The following CEP83 variants were observed in gnomAD, a reference collection of about 807,000 sequenced individuals.
The protein encoded by CEP83 is centrosomal protein of 83 kDa.
In CEP83, 70 loss-of-function variants were observed where a neutral mutation model predicts 101.9. The ratio of observed to expected loss-of-function variants is 0.69; its 90% confidence interval spans 0.57 to 0.84. CEP83 has a LOEUF of 0.84. Ranked by LOEUF, CEP83 falls within the 40% of genes least tolerant of loss-of-function variation. The pLI is 0.00. For missense variants in CEP83, 715 were observed against 787.2 expected (o/e 0.91, Z 1.10); for synonymous variants, 264 against 267.9 (o/e 0.99, Z 0.14).
chr12:94,396,033 T>C (rs1002340533), intron 6 of CEP83, among the ~76,000 whole-genome samples: 1 of 152,098 alleles, frequency 6.6e-6, no homozygotes, highest in Admixed American at 6.5e-5. Context: ...CGTCCCTCCC[T>C]CTCTCCTGAG....
intron 11 of CEP83, among the ~76,000 whole-genome samples, chr12:94,353,982 G>T (rs1181719310): frequency 1.3e-5 from 2 of 151,926 alleles, no homozygotes; most frequent in Non-Finnish European, 2.9e-5. Context: ...AGAGAACCAA[G>T]ATATATTAAA....
At chr12:94,446,956 T>C (rs1566235956) in intron 1 of CEP83, among the ~76,000 whole-genome samples, 9 of 151,924 alleles carry the variant, frequency 5.9e-5, no homozygotes, top group Admixed American at 5.2e-4. Context: ...GAGAGAAAAA[T>C]GACTTCACAT....
In CEP83 at chr12:94,364,846, T is replaced by C. The variant is rs1277282826; in HGVS notation, c.1343+2948A>G. Among the ~76,000 whole-genome samples, 3 of 152,114 alleles carry C rather than the reference T, an allele frequency of 2.0e-5. No individual in the cohort carries two copies. In the East Asian group the frequency reaches 5.8e-4, roughly 29 times the overall value. Reference sequence around the variant, plus strand: ...ATTTAGAAAAAACTGATCAAATCCATACCTCACAGCATACAAAAGAATACA... The same window carrying C: ...ATTTAGAAAAAACTGATCAAATCCACACCTCACAGCATACAAAAGAATACA... On this transcript the variant is annotated intron_variant, in intron 11 of 16. Coordinates refer to ENST00000397809, the MANE Select transcript of CEP83 (RefSeq NM_016122.3).
At chr12:94,343,715 G>A (rs1039944733) in intron 11 of CEP83, among the ~76,000 whole-genome samples, 5 of 149,752 alleles carry the variant, frequency 3.3e-5, no homozygotes, top group African/African-American at 7.4e-5. Flanking sequence ...GGATGGTCTC[G>A]ATCTCCTGAC....
At position 94,308,821 on chromosome 12, in the gene CEP83, C is replaced by A. The variant is rs753799181; in HGVS notation, c.2098G>T (p.Gly700Ter). ...RKQLEELGSSGE is the reference protein window; with the variant it reads ...RKQLEELGSS ...CCTGTTCTCCAAGAACATCATTCTC[C>A]GGAAGATCCAAGTTCCTCTAGTTGT... is the stretch of plus-strand genomic sequence containing the variant. Residue 700 changes from glycine (G) to a stop codon, truncating the protein, a stop_gained, in exon 17 of 17, where the codon GGA becomes TGA. Transcript: ENST00000397809. LOFTEE classifies it high-confidence loss of function. 8 of 1,606,690 alleles carry A rather than the reference C, an allele frequency of 5.0e-6. No individual in the cohort carries two copies.
intron 11 of CEP83, among the ~76,000 whole-genome samples, chr12:94,349,772 C>A (rs1046916280): frequency 6.6e-6 from 1 of 152,084 alleles, no homozygotes; most frequent in Non-Finnish European, 1.5e-5. Context: ...CTAGCCAGAG[C>A]TATTAGGCAA....
Position 94,379,059 on chromosome 12 carries a change from A to G in CEP83, c.550-17T>C. 1 of 1,572,116 alleles carries G rather than the reference A, an allele frequency of 6.4e-7. No homozygotes were observed. On this transcript the variant is annotated splice_polypyrimidine_tract_variant and intron_variant, in intron 6 of 16. Transcript: ENST00000397809. ...TCTTGCAATCTAATAATAATTTTAA[A>G]GAAAGCATACAAGGTTAAATTATTA...
intron 14 of CEP83, among the ~76,000 whole-genome samples, chr12:94,328,892 T>C (rs1239663157): frequency 6.6e-6 from 1 of 152,232 alleles, no homozygotes; most frequent in African/African-American, 2.4e-5. Flanking sequence ...CCTCCTACTT[T>C]AGGTTGCTAA....
At chr12:94,294,205 C>T in the CEP83 span, among the ~76,000 whole-genome samples, 120 of 152,296 alleles carry the variant, frequency 7.9e-4, 1 homozygote, top group East Asian at 0.022. Context: ...CCATCTGTCC[C>T]ACAGGGTCCT....
intron 1 of CEP83, among the ~76,000 whole-genome samples, chr12:94,435,723 T>C (rs930261189): frequency 5.3e-5 from 8 of 152,148 alleles, no homozygotes; most frequent in African/African-American, 1.7e-4. Context: ...AACAACTCTG[T>C]TCCAACGGAG....
At chr12:94,442,287 G>A (rs932438563) in intron 1 of CEP83, among the ~76,000 whole-genome samples, 5 of 151,494 alleles carry the variant, frequency 3.3e-5, no homozygotes, top group East Asian at 1.9e-4. Context: ...ACCAAACACC[G>A]TATCTTCTCA....
chr12:94,394,217 T>A (rs1003060634), intron 6 of CEP83, among the ~76,000 whole-genome samples: 4 of 152,116 alleles, frequency 2.6e-5, no homozygotes, highest in African/African-American at 4.8e-5. Context: ...ACCTGACTTC[T>A]AACTATACTA....
At chr12:94,292,241 A>C in the CEP83 span, among the ~76,000 whole-genome samples, 2 of 152,332 alleles carry the variant, frequency 1.3e-5, no homozygotes, top group South Asian at 4.1e-4. Context: ...AACAGGCAAA[A>C]TTCATAAATG....
chr12:94,347,068 T>TAC (rs1555225269), intron 11 of CEP83, among the ~76,000 whole-genome samples: 13,831 of 147,428 alleles, frequency 0.094, 787 homozygotes, highest in Admixed American at 0.15. Context: ...TATATATATA[T>TAC]ACACATACAC....
At chr12:94,298,834 TG>T in the CEP83 span, 1 of 1,556,690 alleles carries the variant, frequency 6.4e-7, no homozygotes. Context: ...TTCAAGAATC[TG>T]GGACAGAATA....
the CEP83 span, among the ~76,000 whole-genome samples, chr12:94,296,526 C>T: frequency 6.6e-6 from 1 of 152,114 alleles, no homozygotes; most frequent in African/African-American, 2.4e-5. Flanking sequence ...ACTCCCTTAC[C>T]CTTTACAGCC....
At chr12:94,365,733 GCCCT>G (rs2060988748) in intron 11 of CEP83, among the ~76,000 whole-genome samples, 1 of 142,692 alleles carries the variant, frequency 7.0e-6, no homozygotes, top group South Asian at 2.2e-4. Context: ...TCGCCCCACT[GCCCT>G]CCAGCCTGGG....
intron 9 of CEP83, chr12:94,368,422 G>T: frequency 2.2e-6 from 1 of 464,162 alleles, no homozygotes; most frequent in Non-Finnish European, 3.8e-6. Context: ...TTTATTTAGT[G>T]CATACACATA....
intron 2 of CEP83, among the ~76,000 whole-genome samples, chr12:94,413,715 T>C (rs2064058019): frequency 6.6e-6 from 1 of 152,094 alleles, no homozygotes; most frequent in Admixed American, 6.5e-5. Flanking sequence ...TCACTGTTTA[T>C]TTCATCTAGA....
Sources: allele counts gnomAD v4.1 joint callset (sites outside exome capture counted in the v4.1 genomes callset), GRCh38; gene constraint gnomAD v4.1.1; transcripts MANE v1.5; gene names NCBI Gene and HGNC (gene_info 2026-07-23, HGNC 2026-07-21).